Variants in CSMD1 observed in about 807,000 individuals in gnomAD.
CSMD1 encodes the protein CUB and Sushi multiple domains 1, also known as CUB and sushi domain-containing protein 1.
In CSMD1, 213 loss-of-function variants were observed where a neutral mutation model predicts 417.5. That is an observed-to-expected ratio of 0.51 (90% CI 0.46 to 0.57). CSMD1 has a LOEUF of 0.57. Among genes scored for constraint, CSMD1 ranks in the 20% least tolerant of loss-of-function variants. The pLI is 0.00. For missense variants in CSMD1, 6,923 were observed against 4,529.7 expected, an observed-to-expected ratio of 1.53 and a Z score of -15.17; for synonymous variants, 2,862 against 1,736.8, an observed-to-expected ratio of 1.65 and a Z score of -16.11.
intron 7 of CSMD1, among the ~76,000 whole-genome samples, chr8:3,629,983 T>A (rs1170492499): frequency 1.3e-5 from 2 of 152,244 alleles, no homozygotes; most frequent in African/African-American, 4.8e-5. Context: ...GCAAAAAATG[T>A]TGACGTATAT....
intron 62 of CSMD1, 109 bp downstream of exon 62, chr8:2,961,032 A>G: frequency 3.9e-6 from 2 of 509,592 alleles, no homozygotes; most frequent in Non-Finnish European, 6.2e-6. Context: ...TTATTCAGGT[A>G]AATATAACAT....
At chr8:4,445,917 G>C (rs371472146) in intron 2 of CSMD1, among the ~76,000 whole-genome samples, 7 of 152,106 alleles carry the variant, frequency 4.6e-5, no homozygotes, top group African/African-American at 1.7e-4. Context: ...ACGTGACCTG[G>C]GCCTTTCAGC....
intron 7 of CSMD1, among the ~76,000 whole-genome samples, chr8:3,685,859 G>C (rs758029561): frequency 2.6e-5 from 4 of 152,082 alleles, no homozygotes; most frequent in Non-Finnish European, 4.4e-5. Flanking sequence ...ACATCATGGA[G>C]AATGGGGTAT....
At chr8:3,002,610 C>A (rs1223773735) in intron 52 of CSMD1, among the ~76,000 whole-genome samples, 1 of 152,226 alleles carries the variant, frequency 6.6e-6, no homozygotes, top group Non-Finnish European at 1.5e-5. Context: ...TTTAGGGAAT[C>A]TGTTCAGGTC....
chr8:4,181,958 G>GTGTGTGTTTGTGTGTGTGTGTGTGA (rs774039525), intron 3 of CSMD1, among the ~76,000 whole-genome samples: 2 of 6,752 alleles, frequency 3.0e-4, no homozygotes, highest in African/African-American at 3.2e-4. Context: ...CTGTGTCTGC[G>GTGTGTGTTTGTGTGTGTGTGTGTGA]TGTGTGTGTG....
At chr8:4,025,839 T>C (rs1797035853) in intron 4 of CSMD1, among the ~76,000 whole-genome samples, 1 of 152,184 alleles carries the variant, frequency 6.6e-6, no homozygotes, top group South Asian at 2.1e-4. Flanking sequence ...TTCTATTAAT[T>C]AAATATACAG....
intron 11 of CSMD1, among the ~76,000 whole-genome samples, chr8:3,485,306 G>T (rs923893119): frequency 6.6e-6 from 1 of 152,098 alleles, no homozygotes; most frequent in East Asian, 1.9e-4. Context: ...AACACACTAC[G>T]TGCTTCTAAT....
chr8:4,002,972 AGTAAACCAATCTAC>A (rs1311410045), intron 4 of CSMD1, among the ~76,000 whole-genome samples: 1 of 152,228 alleles, frequency 6.6e-6, no homozygotes, highest in Non-Finnish European at 1.5e-5. Flanking sequence ...TAACTTTATA[AGTAAACCAATCTAC>A]CTGTTTAATT....
At chr8:3,290,095 AT>A (rs987611210) in intron 25 of CSMD1, among the ~76,000 whole-genome samples, 1 of 147,032 alleles carries the variant, frequency 6.8e-6, no homozygotes, top group Non-Finnish European at 1.5e-5. Context: ...TGCTTTCCCC[AT>A]TGCTTGTTTT....
chr8:3,479,926 G>T (rs1047886867), intron 11 of CSMD1, among the ~76,000 whole-genome samples: 1 of 152,196 alleles, frequency 6.6e-6, no homozygotes, highest in East Asian at 1.9e-4. Flanking sequence ...GGAAATTATG[G>T]AACTAAAAAT....
intron 20 of CSMD1, among the ~76,000 whole-genome samples, chr8:3,361,127 GAAAAT>G (rs1297640768): frequency 2.0e-5 from 3 of 152,080 alleles, no homozygotes; most frequent in African/African-American, 7.2e-5. Context: ...GACTCAGAAA[GAAAAT>G]AATATAGACA....
chr8:4,882,464 T>C (rs953099371), intron 1 of CSMD1, among the ~76,000 whole-genome samples: 2 of 151,504 alleles, frequency 1.3e-5, no homozygotes, highest in Non-Finnish European at 2.9e-5. Flanking sequence ...GGGGGGCGAG[T>C]TTGGCGTTTT....
intron 1 of CSMD1, among the ~76,000 whole-genome samples, chr8:4,645,177 G>C (rs996183234): frequency 6.6e-6 from 1 of 151,980 alleles, no homozygotes; most frequent in Non-Finnish European, 1.5e-5. Context: ...TGTTCCTATG[G>C]ACGTTGGCAT....
chr8:3,340,694 A>T lies in CSMD1; in HGVS notation c.3631+2600T>A, dbSNP rs551002633. Among the ~76,000 whole-genome samples the T allele has an allele frequency of 2.0e-3, 301 of 152,266 alleles. 1 individual carries two copies. Among genetic ancestry groups the T allele is most frequent in the Non-Finnish European group, 3.6e-3 (242 of 68,020 alleles). On this transcript the variant is annotated intron_variant, in intron 23 of 69. Coordinates refer to ENST00000635120, the MANE Select transcript of CSMD1 (RefSeq NM_033225.6). ...GGGGAGCTGGGGATTTCTTCAGCTT[A>T]TTTACTTATATTTACAACTAACAAT...
At chr8:4,261,995 G>A (rs889466663) in intron 3 of CSMD1, among the ~76,000 whole-genome samples, 5 of 152,162 alleles carry the variant, frequency 3.3e-5, no homozygotes, top group African/African-American at 1.2e-4. Flanking sequence ...CTGGGAATGA[G>A]TGAAATTCTG....
chr8:4,726,938 G>T (rs1312134322), intron 1 of CSMD1, among the ~76,000 whole-genome samples: 1 of 152,136 alleles, frequency 6.6e-6, no homozygotes, highest in East Asian at 1.9e-4. Flanking sequence ...TCTGGGGATT[G>T]TACATATGTA....
chr8:3,459,752 G>A (rs148751838), intron 12 of CSMD1, among the ~76,000 whole-genome samples: 164 of 152,098 alleles, frequency 1.1e-3, no homozygotes, highest in African/African-American at 3.4e-3. Flanking sequence ...TGAGGCTGCC[G>A]GCACATGAAC....
chr8:4,166,206 T>A (rs989316810), intron 3 of CSMD1, among the ~76,000 whole-genome samples: 3 of 152,196 alleles, frequency 2.0e-5, no homozygotes, highest in African/African-American at 7.2e-5. Flanking sequence ...GTCAGTTTTA[T>A]GACATATTTC....
intron 3 of CSMD1, among the ~76,000 whole-genome samples, chr8:4,314,193 T>C (rs142085710): frequency 1.1e-4 from 17 of 152,180 alleles, no homozygotes; most frequent in Admixed American, 7.2e-4. Context: ...GGTTCCCTCA[T>C]TATTTTCAAG....
Sources: allele counts gnomAD v4.1 joint callset (sites outside exome capture counted in the v4.1 genomes callset), GRCh38; gene constraint gnomAD v4.1.1; transcripts MANE v1.5; gene names NCBI Gene and HGNC (gene_info 2026-07-23, HGNC 2026-07-21).